The following INSYN2B variants were observed in gnomAD, a reference collection of about 807,000 sequenced individuals.
INSYN2B encodes the protein protein INSYN2B.
INSYN2B carries 16 observed loss-of-function variants against 41.2 expected under a neutral mutation model. That is an observed-to-expected ratio of 0.39 (90% CI 0.26 to 0.59). The LOEUF is 0.59. Among genes scored for constraint, INSYN2B ranks in the 20% least tolerant of loss-of-function variants. The probability of loss-of-function intolerance (pLI) is 0.57; values close to 1 mark genes in which losing one functional copy is unlikely to be tolerated. For synonymous variants in INSYN2B, 245 were observed against 244.4 expected, an observed-to-expected ratio of 1.00 and a Z score of -0.02; for missense variants, 608 against 646.4, an observed-to-expected ratio of 0.94 and a Z score of 0.64.
At position 169,882,690 on chromosome 5, in the gene INSYN2B, G is replaced by T; in HGVS notation, c.1209C>A (p.His403Gln). ...GGTCGCAGAGTTCACCCCGTGCCAGGTGAATTTGATTAATGTCACTAATCT... is the reference window on the plus strand; with the variant it reads ...GGTCGCAGAGTTCACCCCGTGCCAGTTGAATTTGATTAATGTCACTAATCT... The part of the protein sequence containing the change: ...NREISDINQI[H>Q]LARGELCDLQ... Residue 403 changes from histidine to glutamine, a missense_variant, in exon 2 of 4, where the codon CAC (histidine) becomes CAA (glutamine). Physicochemically the swap from His to Gln is conservative, Grantham distance 24. Transcript: ENST00000377365. 1 of 1,552,106 alleles carries T rather than the reference G, an allele frequency of 6.4e-7. No individual in the cohort carries two copies.
chr5:169,892,890 T>G (rs1385051651), intron 1 of INSYN2B, among the ~76,000 whole-genome samples: 2 of 151,990 alleles, frequency 1.3e-5, no homozygotes, highest in African/African-American at 2.4e-5. Flanking sequence ...CTGTCTTCAC[T>G]CCTTCTTTTC....
At chr5:169,939,701 C>T (rs559325687) in intron 1 of INSYN2B, among the ~76,000 whole-genome samples, 1 of 152,138 alleles carries the variant, frequency 6.6e-6, no homozygotes. Context: ...ACTGAGACGT[C>T]ATTATGCATG....
chr5:169,876,915 A>T (rs1199501275), intron 3 of INSYN2B, among the ~76,000 whole-genome samples: 4 of 152,210 alleles, frequency 2.6e-5, no homozygotes, highest in African/African-American at 4.8e-5. Flanking sequence ...CCAAGTATGT[A>T]TGAGACACTG....
intron 1 of INSYN2B, among the ~76,000 whole-genome samples, chr5:169,896,903 T>C (rs932425014): frequency 1.4e-4 from 22 of 152,002 alleles, no homozygotes; most frequent in Admixed American, 2.6e-4. Flanking sequence ...ATAAAGTTAA[T>C]AAAGAGGAGA....
chr5:169,922,026 A>G (rs1775203329), intron 1 of INSYN2B, among the ~76,000 whole-genome samples: 3 of 152,210 alleles, frequency 2.0e-5, no homozygotes, highest in Admixed American at 6.5e-5. Flanking sequence ...ATATTATTTT[A>G]AGAGCTTTTC....
intron 1 of INSYN2B, among the ~76,000 whole-genome samples, chr5:169,916,589 A>T (rs762062636): frequency 6.6e-6 from 1 of 152,210 alleles, no homozygotes; most frequent in Non-Finnish European, 1.5e-5. Flanking sequence ...TACCTCCTTC[A>T]TAGGATGAAA....
intron 1 of INSYN2B, among the ~76,000 whole-genome samples, chr5:169,943,765 C>G (rs1776334244): frequency 6.6e-6 from 1 of 152,158 alleles, no homozygotes; most frequent in Non-Finnish European, 1.5e-5. Context: ...CCTACTGATT[C>G]AGAACAGTTG....
intron 1 of INSYN2B, among the ~76,000 whole-genome samples, chr5:169,891,755 C>T (rs1773295506): frequency 6.7e-6 from 1 of 149,138 alleles, no homozygotes. Context: ...GAGGTCAAGG[C>T]AGGTGGATCA....
intron 1 of INSYN2B, among the ~76,000 whole-genome samples, chr5:169,954,494 A>G (rs1328047035): frequency 6.6e-6 from 1 of 152,246 alleles, no homozygotes; most frequent in Admixed American, 6.5e-5. Flanking sequence ...GGCAGGGACC[A>G]GAAAGACCTC....
At chr5:169,879,425 T>A (rs373668781) in intron 3 of INSYN2B, among the ~76,000 whole-genome samples, 1 of 152,226 alleles carries the variant, frequency 6.6e-6, no homozygotes, top group African/African-American at 2.4e-5. Context: ...TGTTCAGATC[T>A]CTGCTTTCAT....
chr5:169,957,329 T>C (rs936954581), intron 1 of INSYN2B, among the ~76,000 whole-genome samples: 1 of 152,210 alleles, frequency 6.6e-6, no homozygotes, highest in Non-Finnish European at 1.5e-5. Context: ...AGTTCCTACT[T>C]TGTAGGATTG....
chr5:169,928,803 G>A (rs921733365), intron 1 of INSYN2B, among the ~76,000 whole-genome samples: 4 of 152,198 alleles, frequency 2.6e-5, no homozygotes, highest in Non-Finnish European at 4.4e-5. Flanking sequence ...CAGATCTAAT[G>A]TTATTAGGTT....
intron 1 of INSYN2B, among the ~76,000 whole-genome samples, chr5:169,913,217 C>T (rs1055716663): frequency 6.6e-6 from 1 of 152,184 alleles, no homozygotes; most frequent in Non-Finnish European, 1.5e-5. Flanking sequence ...GTTTATAGAG[C>T]TTTGCAGTTC....
chr5:169,977,561 G>A (rs183781559), intron 1 of INSYN2B, among the ~76,000 whole-genome samples: 2 of 152,178 alleles, frequency 1.3e-5, no homozygotes, highest in African/African-American at 4.8e-5. Flanking sequence ...ACAAGACCCT[G>A]CTCGAGGTCA....
At chr5:169,976,931 A>T (rs1022572651) in intron 1 of INSYN2B, among the ~76,000 whole-genome samples, 1 of 152,248 alleles carries the variant, frequency 6.6e-6, no homozygotes. Flanking sequence ...GTAGCAGGCC[A>T]CATGAACCTT....
At chr5:169,974,688 G>C (rs1777649529) in intron 1 of INSYN2B, among the ~76,000 whole-genome samples, 1 of 152,104 alleles carries the variant, frequency 6.6e-6, no homozygotes, top group Non-Finnish European at 1.5e-5. Flanking sequence ...TCTCAGGGAG[G>C]TGTGAACTGA....
intron 1 of INSYN2B, among the ~76,000 whole-genome samples, chr5:169,885,666 T>C (rs564543091): frequency 6.6e-6 from 1 of 152,246 alleles, no homozygotes; most frequent in Non-Finnish European, 1.5e-5. Context: ...ACAACTCATA[T>C]TTACTGAGTA....
chr5:169,916,115 T>G (rs138096916), intron 1 of INSYN2B, among the ~76,000 whole-genome samples: 13 of 152,202 alleles, frequency 8.5e-5, no homozygotes, highest in Non-Finnish European at 1.9e-4. Context: ...CAAACTAGAT[T>G]TGAGGTCTTC....
intron 1 of INSYN2B, among the ~76,000 whole-genome samples, chr5:169,912,170 T>A (rs183721826): frequency 6.6e-6 from 1 of 152,310 alleles, no homozygotes; most frequent in Admixed American, 6.5e-5. Context: ...TTCTTCTCCT[T>A]CTTTCTTCTT....
Sources: gnomAD v4.1 joint callset for allele counts (sites outside exome capture counted in the v4.1 genomes callset) on GRCh38, gnomAD v4.1.1 for gene constraint, MANE v1.5 for transcripts, NCBI Gene and HGNC (gene_info 2026-07-23, HGNC 2026-07-21) for gene names.